The following LGR4 variants were observed in gnomAD, a reference collection of about 807,000 sequenced individuals.
LGR4 encodes the protein leucine-rich repeat-containing G protein-coupled receptor 4.
LGR4 carries 44 observed loss-of-function variants against 84.8 expected under a neutral mutation model. That is an observed-to-expected ratio of 0.52 (90% CI 0.41 to 0.67). The LOEUF (loss-of-function observed/expected upper bound fraction) is 0.67, where lower values mean the gene tolerates loss of function less well. Ranked by LOEUF, LGR4 falls within the 30% of genes least tolerant of loss-of-function variation. The pLI is 0.00. For missense variants in LGR4, 1,032 were observed against 1,131.4 expected (o/e 0.91, Z 1.26); for synonymous variants, 429 against 434.3 (o/e 0.99, Z 0.15).
chr11:27,368,079 G>A lies in LGR4; in HGVS notation c.2644C>T (p.Pro882Ser). The A allele has an allele frequency of 6.2e-7, 1 of 1,614,048 alleles. No homozygotes were observed. Among genetic ancestry groups the A allele is most frequent in the Non-Finnish European group, 8.5e-7 (1 of 1,179,994 alleles). Residue 882 changes from proline (P) to serine (S), a missense_variant, in exon 18 of 18, where the codon CCT becomes TCT. By Grantham distance (74) the Pro-to-Ser change is moderately conservative. Transcript: ENST00000379214. ...TGGCAAGAAGCCACTGCCAATGCAG[G>A]ACAGCTGTGTGATTTTATCAAGTGT... is the stretch of plus-strand genomic sequence containing the variant. ...CKHLIKSHSC[P>S]ALAVASCQRP...
intron 2 of LGR4, among the ~76,000 whole-genome samples, chr11:27,405,309 C>T (rs993255499): frequency 6.6e-6 from 1 of 152,168 alleles, no homozygotes; most frequent in African/African-American, 2.4e-5. Context: ...TTCTCCTGCT[C>T]CTCCGGCACT....
intron 17 of LGR4, 113 bp downstream of exon 17, chr11:27,371,502 A>T: frequency 1.5e-6 from 1 of 656,778 alleles, no homozygotes. Context: ...GCCTCACAGG[A>T]TCCTCTAGTA....
At chr11:27,392,720 T>C (rs1356349883) in intron 2 of LGR4, among the ~76,000 whole-genome samples, 1 of 152,152 alleles carries the variant, frequency 6.6e-6, no homozygotes, top group African/African-American at 2.4e-5. Context: ...AATTTTTTTT[T>C]AAGTCCCAAT....
chr11:27,449,674 A>G (rs944459769), intron 1 of LGR4, among the ~76,000 whole-genome samples: 1 of 152,178 alleles, frequency 6.6e-6, no homozygotes, highest in Non-Finnish European at 1.5e-5. Flanking sequence ...AAATAAAATA[A>G]AAATAAAGTT....
intron 1 of LGR4, among the ~76,000 whole-genome samples, chr11:27,414,737 G>T (rs1030294330): frequency 1.3e-5 from 2 of 149,818 alleles, no homozygotes; most frequent in African/African-American, 2.4e-5. Context: ...AGATACTGGA[G>T]AAATGGCACC....
intron 7 of LGR4, among the ~76,000 whole-genome samples, chr11:27,381,574 C>A (rs1208345932): frequency 6.6e-6 from 1 of 152,060 alleles, no homozygotes; most frequent in Non-Finnish European, 1.5e-5. Context: ...CCCAGCTACC[C>A]AGGAAGCTAA....
At chr11:27,384,045 AC>A (rs1190038820) in intron 6 of LGR4, among the ~76,000 whole-genome samples, 1 of 152,224 alleles carries the variant, frequency 6.6e-6, no homozygotes, top group Non-Finnish European at 1.5e-5. Flanking sequence ...AAACTGTCAT[AC>A]ATTTAACAAA....
intron 2 of LGR4, among the ~76,000 whole-genome samples, chr11:27,402,599 T>A (rs1863525095): frequency 6.6e-6 from 1 of 152,196 alleles, no homozygotes; most frequent in Admixed American, 6.6e-5. Context: ...TACTCTTCTT[T>A]TCTTACCTAG....
In LGR4 at chr11:27,368,320, A is replaced by G. The variant is rs1862807343; in HGVS notation, c.2403T>C (p.Tyr801=). Reference sequence around the variant, plus strand: ...CTTTAAACTTTGGGTTGAAGAAAACATACAGGACTGGATTCAGGCAAGCAG... The same window carrying G: ...CTTTAAACTTTGGGTTGAAGAAAACGTACAGGACTGGATTCAGGCAAGCAG... ...PLPACLNPVL[Y]VFFNPKFKED... The change falls in exon 18 of 18, where the codon TAT becomes TAC. Residue 801 remains tyrosine (Y), a synonymous_variant. Coordinates refer to ENST00000379214, the MANE Select transcript of LGR4 (RefSeq NM_018490.5). 3 of 1,614,104 alleles carry G rather than the reference A, an allele frequency of 1.9e-6. No individual in the cohort carries two copies. The African/African-American group carries it at 4.0e-5, about 22-fold the overall frequency.
intron 2 of LGR4, among the ~76,000 whole-genome samples, chr11:27,412,497 T>C (rs1244006927): frequency 6.6e-6 from 1 of 152,130 alleles, no homozygotes; most frequent in Non-Finnish European, 1.5e-5. Flanking sequence ...AATAACACTG[T>C]AATTAACTGG....
intron 2 of LGR4, among the ~76,000 whole-genome samples, chr11:27,400,992 T>C (rs1256844795): frequency 6.6e-6 from 1 of 152,196 alleles, no homozygotes; most frequent in Non-Finnish European, 1.5e-5. Flanking sequence ...ACCCCATTTC[T>C]TCACATACTA....
chr11:27,439,240 C>T (rs1047898245), intron 1 of LGR4, among the ~76,000 whole-genome samples: 1 of 152,126 alleles, frequency 6.6e-6, no homozygotes, highest in Admixed American at 6.6e-5. Flanking sequence ...CCCCCTAGCC[C>T]TTGGCATCCA....
rs1864902930 is a variant in LGR4, at chr11:27,472,591, T to G, written c.-289A>C. The G allele has an allele frequency of 8.0e-6, 3 of 374,272 alleles. No homozygotes were observed. The highest frequency in any genetic ancestry group is 1.4e-5 in the Non-Finnish European group (3 of 210,070). 23.2% of individuals were successfully genotyped at this position (374,272 alleles called of 1,614,324 possible). The stretch of plus-strand genomic sequence containing the variant: ...CGGCGCAGCGGCGGGGGCCGCGCTC[T>G]GCCATCGCACCGGTCTCCCTGTCCC... On this transcript the variant is annotated 5_prime_UTR_variant, in exon 1 of 18. Transcript: ENST00000379214.
chr11:27,382,334 T>C lies in LGR4; in HGVS notation c.690-78A>G, dbSNP rs1863111969. 1.9e-5 allele frequency: 18 copies of C among 937,898 alleles called. No individual in the cohort carries two copies. In the South Asian group the frequency reaches 2.5e-4, roughly 13 times the overall value. The allele number at this position is 937,898 out of a possible 1,614,324, so 58.1% of individuals were successfully genotyped here. A position where few individuals can be genotyped will look rare whatever the true frequency, so the allele number is the denominator to read the frequency against. On this transcript the variant is annotated intron_variant, in intron 6 of 17. Coordinates refer to ENST00000379214, the MANE Select transcript of LGR4 (RefSeq NM_018490.5). Reference sequence around the variant, plus strand: ...CATAAGGCATTTTGTTACAGACAAGTATTTTTTTAAATCATATCCTCTGTA... The same window carrying C: ...CATAAGGCATTTTGTTACAGACAAGCATTTTTTTAAATCATATCCTCTGTA...
chr11:27,369,924 G>A (rs1030696136), intron 17 of LGR4, among the ~76,000 whole-genome samples: 1 of 152,158 alleles, frequency 6.6e-6, no homozygotes, highest in South Asian at 2.1e-4. Flanking sequence ...ACACCTCGGT[G>A]ATGTTAACTA....
rs759170982 is a variant in LGR4, at chr11:27,371,695, G to A, written c.1499C>T (p.Thr500Ile). ...GCTTGTGACATTTGCTGCATCAGCA[G>A]TACCTGAACATATAACACAAAGCAT... The part of the protein sequence containing the change: ...QDHSVAQEKG[T>I]ADAANVTSTL... The change falls in exon 17 of 18, where the codon ACT (threonine) becomes ATT (isoleucine). Residue 500 changes from threonine (T) to isoleucine (I), a missense_variant. Transcript: ENST00000379214. 127 of 1,604,706 alleles carry A rather than the reference G, an allele frequency of 7.9e-5. 1 individual carries two copies. The highest frequency in any genetic ancestry group is 1.1e-4 in the Non-Finnish European group (126 of 1,172,844).
chr11:27,423,124 C>A (rs1189434615), intron 1 of LGR4, among the ~76,000 whole-genome samples: 2 of 152,118 alleles, frequency 1.3e-5, no homozygotes, highest in African/African-American at 4.8e-5. Flanking sequence ...AAAAAACCTA[C>A]ACTCCAGTAA....
chr11:27,392,997 CA>C (rs1438456193), intron 2 of LGR4, among the ~76,000 whole-genome samples: 3 of 151,970 alleles, frequency 2.0e-5, no homozygotes, highest in Admixed American at 2.0e-4. Context: ...AAAAGAGAGG[CA>C]AAAAGTGTGA....
intron 14 of LGR4, 57 bp downstream of exon 14, chr11:27,373,918 T>C: frequency 8.3e-7 from 1 of 1,208,284 alleles, no homozygotes; most frequent in Non-Finnish European, 1.2e-6. Context: ...TTAAAACAGA[T>C]GTTTCTATAG....
Sources: allele counts gnomAD v4.1 joint callset (sites outside exome capture counted in the v4.1 genomes callset), GRCh38; gene constraint gnomAD v4.1.1; transcripts MANE v1.5; gene names NCBI Gene and HGNC (gene_info 2026-07-23, HGNC 2026-07-21).